The following CFAP299 variants were observed in gnomAD, a reference collection of about 807,000 sequenced individuals.
The protein encoded by CFAP299 is cilia and flagella associated protein 299, also known as cilia- and flagella-associated protein 299.
Under a neutral mutation model 27.0 loss-of-function variants are expected in CFAP299, and 21 were observed. The observed-to-expected ratio is 0.78, with a 90% CI of 0.55 to 1.12. CFAP299 has a LOEUF of 1.12. Among genes scored for constraint, CFAP299 ranks in the 50% most tolerant of loss-of-function variants. The pLI, the probability that CFAP299 is intolerant of heterozygous loss-of-function variation, is 0.00. For synonymous variants in CFAP299, 104 were observed against 98.1 expected, an observed-to-expected ratio of 1.06 and a Z score of -0.36; for missense variants, 310 against 276.6, an observed-to-expected ratio of 1.12 and a Z score of -0.86.
intron 4 of CFAP299, chr4:80,870,763 A>G (rs1357678369): frequency 2.0e-6 from 2 of 985,326 alleles, no homozygotes; most frequent in Non-Finnish European, 2.4e-6. Context: ...AAAATTAAGT[A>G]GCAGCATTAT....
At chr4:80,327,690 TTATATA>T in the CFAP299 span, among the ~76,000 whole-genome samples, 749 of 51,232 alleles carry the variant, frequency 0.015, 30 homozygotes, top group African/African-American at 0.048. Flanking sequence ...TAGAGAGAAG[TTATATA>T]TATATATATA....
chr4:80,689,098 A>G (rs533084403), intron 3 of CFAP299, among the ~76,000 whole-genome samples: 4 of 152,286 alleles, frequency 2.6e-5, no homozygotes, highest in African/African-American at 4.8e-5. Context: ...GGAGAATGGA[A>G]CCAAGTTGGA....
At chr4:80,476,029 C>G (rs997069575) in intron 2 of CFAP299, among the ~76,000 whole-genome samples, 1 of 152,212 alleles carries the variant, frequency 6.6e-6, no homozygotes, top group Non-Finnish European at 1.5e-5. Flanking sequence ...GTGTAAAACA[C>G]GATTCACATG....
intron 4 of CFAP299, among the ~76,000 whole-genome samples, chr4:80,873,605 T>C (rs1172433557): frequency 1.3e-5 from 2 of 152,192 alleles, no homozygotes; most frequent in Non-Finnish European, 2.9e-5. Flanking sequence ...GTAAACCACT[T>C]ACTAAAGTTC....
At chr4:80,560,797 C>G (rs1735003892) in intron 2 of CFAP299, among the ~76,000 whole-genome samples, 2 of 152,198 alleles carry the variant, frequency 1.3e-5, no homozygotes, top group Middle Eastern at 6.8e-3. Flanking sequence ...AGCTGCAATA[C>G]AATAGAACAC....
At chr4:80,696,681 G>A (rs1176047599) in intron 3 of CFAP299, among the ~76,000 whole-genome samples, 8 of 152,124 alleles carry the variant, frequency 5.3e-5, no homozygotes, top group South Asian at 2.1e-4. Flanking sequence ...TAAAGAGTGA[G>A]GGGCAACATT....
rs371354739 is a variant in CFAP299, at chr4:80,484,171, G to A, written c.243-98922G>A. 5.1e-3 allele frequency among the ~76,000 whole-genome samples: 769 copies of A among 152,160 alleles called. 4 individuals are homozygous for A. Among genetic ancestry groups the A allele is most frequent in the Middle Eastern group, 0.017 (5 of 294 alleles). On this transcript the variant is annotated intron_variant, in intron 2 of 5. Coordinates refer to ENST00000358105, the MANE Select transcript of CFAP299 (RefSeq NM_152770.3). The stretch of plus-strand genomic sequence containing the variant: ...TTATACCTATTGGAAATATTTATAG[G>A]AAGTTAGTATGGAATGATACTTGAT...
At chr4:80,538,802 G>A (rs1560613942) in intron 2 of CFAP299, among the ~76,000 whole-genome samples, 2 of 152,076 alleles carry the variant, frequency 1.3e-5, no homozygotes, top group Non-Finnish European at 2.9e-5. Flanking sequence ...CTAACTCTGC[G>A]TTTCTCAGAA....
intron 3 of CFAP299, among the ~76,000 whole-genome samples, chr4:80,652,269 A>G (rs78072312): frequency 0.014 from 2,109 of 152,254 alleles, 60 homozygotes; most frequent in African/African-American, 0.048. Flanking sequence ...GAGTCGCTGC[A>G]TGAGGTAAAA....
At chr4:80,802,496 C>A (rs1340199963) in intron 3 of CFAP299, among the ~76,000 whole-genome samples, 1 of 152,022 alleles carries the variant, frequency 6.6e-6, no homozygotes, top group Non-Finnish European at 1.5e-5. Flanking sequence ...CATAAGTTGT[C>A]ATCTACGAGC....
chr4:80,806,396 G>C (rs1209037850), intron 3 of CFAP299, among the ~76,000 whole-genome samples: 2 of 152,136 alleles, frequency 1.3e-5, no homozygotes, highest in Non-Finnish European at 2.9e-5. Context: ...GGTGTACTTG[G>C]AGAGCTTGAC....
chr4:80,390,447 T>A (rs1390902277), intron 2 of CFAP299, among the ~76,000 whole-genome samples: 3 of 151,034 alleles, frequency 2.0e-5, no homozygotes, highest in Non-Finnish European at 4.4e-5. Flanking sequence ...ATGATAGGAT[T>A]TTCTTCATTT....
At chr4:80,428,646 C>T (rs1299772149) in intron 2 of CFAP299, among the ~76,000 whole-genome samples, 1 of 151,864 alleles carries the variant, frequency 6.6e-6, no homozygotes, top group African/African-American at 2.4e-5. Context: ...CCTGCCCCAG[C>T]CTCACGAGTA....
chr4:80,794,855 G>T (rs1282624856), intron 3 of CFAP299, among the ~76,000 whole-genome samples: 1 of 152,158 alleles, frequency 6.6e-6, no homozygotes, highest in Non-Finnish European at 1.5e-5. Flanking sequence ...GTAGTTGGCT[G>T]ATCACCCCAA....
At chr4:80,802,745 G>T (rs1413947262) in intron 3 of CFAP299, among the ~76,000 whole-genome samples, 1 of 151,932 alleles carries the variant, frequency 6.6e-6, no homozygotes, top group Non-Finnish European at 1.5e-5. Flanking sequence ...TAAACAAGTA[G>T]TGCCCATTTA....
chr4:80,493,759 CTTTTTTTTTT>C (rs1177389983), intron 2 of CFAP299, among the ~76,000 whole-genome samples: 2 of 76,768 alleles, frequency 2.6e-5, no homozygotes, highest in African/African-American at 1.2e-4. Context: ...ATCTCATATT[CTTTTTTTTTT>C]TTTTTTTTTT....
intron 3 of CFAP299, among the ~76,000 whole-genome samples, chr4:80,776,125 T>C (rs1726525137): frequency 6.6e-6 from 1 of 152,124 alleles, no homozygotes; most frequent in Non-Finnish European, 1.5e-5. Context: ...TGCAAGGTAA[T>C]AGAGGCTTTC....
intron 4 of CFAP299, among the ~76,000 whole-genome samples, chr4:80,883,085 TACA>T (rs1733792959): frequency 6.6e-6 from 1 of 152,160 alleles, no homozygotes; most frequent in African/African-American, 2.4e-5. Flanking sequence ...ACAATATAAC[TACA>T]ATAATTTGCT....
rs201988986 is a variant in CFAP299 at position 80,458,615 on chromosome 4, AG to A, written c.242+95732del. On this transcript the variant is annotated intron_variant, in intron 2 of 5. Coordinates refer to ENST00000358105, the MANE Select transcript of CFAP299 (RefSeq NM_152770.3). ...ATATAGCCAATTTATTTATTTTATT[AG>A]TGATTCAAGCCAAATAAGACTTCTG... is the stretch of plus-strand genomic sequence containing the variant. Among the ~76,000 whole-genome samples the A allele has an allele frequency of 8.0e-4, 122 of 152,304 alleles. 2 individuals carry two copies. The East Asian group carries it at 0.022, about 27-fold the overall frequency.
Sources: gnomAD v4.1 joint callset for allele counts (sites outside exome capture counted in the v4.1 genomes callset) on GRCh38, gnomAD v4.1.1 for gene constraint, MANE v1.5 for transcripts, NCBI Gene and HGNC (gene_info 2026-07-23, HGNC 2026-07-21) for gene names.